Variants in DOCK1 observed in about 807,000 individuals in gnomAD.
DOCK1 encodes dedicator of cytokinesis 1.
A neutral mutation model predicts 262.7 loss-of-function variants in DOCK1; 138 were observed. The observed-to-expected ratio is 0.53, with a 90% confidence interval of 0.46 to 0.61. The LOEUF is 0.61. Among genes scored for constraint, DOCK1 ranks in the 20% least tolerant of loss-of-function variants. The pLI is 0.00. For missense variants in DOCK1, 1,908 were observed against 2,370.7 expected, an observed-to-expected ratio of 0.80 and a Z score of 4.05; for synonymous variants, 866 against 867.4, an observed-to-expected ratio of 1.00 and a Z score of 0.03.
At chr10:127,046,012 C>T (rs1161928757) in intron 21 of DOCK1, among the ~76,000 whole-genome samples, 2 of 151,900 alleles carry the variant, frequency 1.3e-5, no homozygotes, top group African/African-American at 4.8e-5. Flanking sequence ...TATTTATTTT[C>T]TTTCTTTTTG....
chr10:127,063,528 A>G (rs1010436806), intron 23 of DOCK1, among the ~76,000 whole-genome samples: 1 of 152,202 alleles, frequency 6.6e-6, no homozygotes, highest in African/African-American at 2.4e-5. Flanking sequence ...AAAGAAATGT[A>G]GGTGGTGCAT....
At chr10:127,427,650 C>T (rs1565083996) in intron 47 of DOCK1, among the ~76,000 whole-genome samples, 1 of 152,162 alleles carries the variant, frequency 6.6e-6, no homozygotes, top group East Asian at 1.9e-4. Flanking sequence ...TGCTTTTAGC[C>T]CCTACTCCAG....
Position 127,082,097 on chromosome 10 carries a change from T to C in DOCK1, c.2445+20321T>C, listed in dbSNP as rs909130361. 1.2e-4 allele frequency among the ~76,000 whole-genome samples: 18 copies of C among 152,278 alleles called. 1 individual carries two copies. Among genetic ancestry groups the C allele is most frequent in the Admixed American group, 7.8e-4 (12 of 15,294 alleles). ...TGTTAGTTCCTATTTTCTATTACCA[T>C]GAATGACTGTTGGCGCCTCAGGCTG... On this transcript the variant is annotated intron_variant, in intron 23 of 51. Transcript: ENST00000623213.
At chr10:127,348,406 G>A (rs1316236648) in intron 31 of DOCK1, among the ~76,000 whole-genome samples, 3 of 152,162 alleles carry the variant, frequency 2.0e-5, no homozygotes, top group Non-Finnish European at 4.4e-5. Flanking sequence ...TGTAAGACAC[G>A]TGCATCCTGG....
At chr10:127,220,514 C>T (rs1589997891) in intron 27 of DOCK1, among the ~76,000 whole-genome samples, 1 of 152,044 alleles carries the variant, frequency 6.6e-6, no homozygotes, top group Non-Finnish European at 1.5e-5. Flanking sequence ...GATATACTTA[C>T]ACTAGAAAAA....
At chr10:127,377,963 T>A (rs2065607384) in intron 35 of DOCK1, among the ~76,000 whole-genome samples, 1 of 151,572 alleles carries the variant, frequency 6.6e-6, no homozygotes, top group Admixed American at 6.6e-5. Context: ...CTTGGCCACC[T>A]AAGTCCCCAG....
intron 2 of DOCK1, among the ~76,000 whole-genome samples, chr10:126,974,260 G>A (rs865835358): frequency 1.5e-4 from 23 of 152,320 alleles, no homozygotes; most frequent in Admixed American, 2.6e-4. Flanking sequence ...TCCCCAGGGT[G>A]AGATGCTGCA....
At chr10:127,074,611 G>T (rs1173278705) in intron 23 of DOCK1, among the ~76,000 whole-genome samples, 9 of 152,148 alleles carry the variant, frequency 5.9e-5, no homozygotes, top group Non-Finnish European at 1.2e-4. Context: ...GCTATAAAAA[G>T]TGTATCTTAT....
intron 25 of DOCK1, among the ~76,000 whole-genome samples, chr10:127,110,585 A>G (rs936494606): frequency 6.6e-6 from 1 of 152,242 alleles, no homozygotes; most frequent in African/African-American, 2.4e-5. Context: ...TAATTTAGGT[A>G]TACACCAAAG....
intron 23 of DOCK1, among the ~76,000 whole-genome samples, chr10:127,090,903 G>A (rs1053605672): frequency 2.6e-5 from 4 of 151,752 alleles, no homozygotes; most frequent in Admixed American, 1.3e-4. Context: ...ATGCACACCT[G>A]GCTTACTTCA....
At chr10:127,229,976 A>G (rs1033116129) in intron 27 of DOCK1, among the ~76,000 whole-genome samples, 4 of 152,204 alleles carry the variant, frequency 2.6e-5, no homozygotes, top group African/African-American at 9.6e-5. Context: ...TTCCCTGATT[A>G]TTAGTGATGT....
chr10:127,050,509 G>A (rs2044651305), intron 21 of DOCK1, among the ~76,000 whole-genome samples: 1 of 151,630 alleles, frequency 6.6e-6, no homozygotes, highest in South Asian at 2.1e-4. Flanking sequence ...TCAGGAGTTC[G>A]AGACCAGCCT....
chr10:127,097,185 C>T (rs1730897179), intron 23 of DOCK1, among the ~76,000 whole-genome samples: 1 of 152,136 alleles, frequency 6.6e-6, no homozygotes, highest in Non-Finnish European at 1.5e-5. Context: ...CTCTTCTGCC[C>T]TTTCCTGTTT....
chr10:127,001,092 C>T (rs1162701493), intron 10 of DOCK1: 1 of 152,196 alleles, frequency 6.6e-6, no homozygotes, highest in Admixed American at 6.5e-5. Context: ...GGTTTTCTCT[C>T]TTTTATGGTT....
At chr10:127,273,028 A>G (rs1313078084) in intron 29 of DOCK1, among the ~76,000 whole-genome samples, 1 of 152,186 alleles carries the variant, frequency 6.6e-6, no homozygotes, top group Admixed American at 6.5e-5. Flanking sequence ...GGAATTCAAG[A>G]TGAGATTTGG....
At chr10:127,287,927 T>C (rs1424005906) in intron 29 of DOCK1, among the ~76,000 whole-genome samples, 1 of 152,236 alleles carries the variant, frequency 6.6e-6, no homozygotes, top group East Asian at 1.9e-4. Flanking sequence ...ACTCTAATTA[T>C]GTTATTCTGT....
chr10:127,082,435 G>C (rs1239947766), intron 23 of DOCK1, among the ~76,000 whole-genome samples: 3 of 152,192 alleles, frequency 2.0e-5, no homozygotes. Flanking sequence ...GGAAGGTGAA[G>C]GAGTAGCCAA....
In DOCK1 at chr10:126,909,073, T is replaced by C. The variant is rs143931713; in HGVS notation, c.46+3510T>C. Reference sequence around the variant, plus strand: ...TGTGATTCAGGTTACTTGGAATTCGTAGATGGGAGATTATTCAGGACCATC... The same window carrying C: ...TGTGATTCAGGTTACTTGGAATTCGCAGATGGGAGATTATTCAGGACCATC... On this transcript the variant is annotated intron_variant, in intron 1 of 51. Coordinates refer to ENST00000623213, the MANE Select transcript of DOCK1 (RefSeq NM_001290223.2). Among the ~76,000 whole-genome samples the C allele has an allele frequency of 1.1e-4, 16 of 152,264 alleles. 1 individual carries two copies. Among genetic ancestry groups the C allele is most frequent in the South Asian group, 1.0e-3 (5 of 4,822 alleles).
intron 1 of DOCK1, among the ~76,000 whole-genome samples, chr10:126,954,407 A>G (rs989680245): frequency 2.0e-5 from 3 of 152,106 alleles, no homozygotes; most frequent in East Asian, 1.9e-4. Flanking sequence ...TGTTTTTTCT[A>G]TTTTCTTTAT....
Sources: gnomAD v4.1 joint callset for allele counts (sites outside exome capture counted in the v4.1 genomes callset) on GRCh38, gnomAD v4.1.1 for gene constraint, MANE v1.5 for transcripts, NCBI Gene and HGNC (gene_info 2026-07-23, HGNC 2026-07-21) for gene names.